C1orf21: variants seen among roughly 807,000 people sequenced by gnomAD.
C1orf21 encodes the protein uncharacterized protein C1orf21.
C1orf21 carries 3 observed loss-of-function variants against 18.7 expected under a neutral mutation model. The observed-to-expected ratio is 0.16, with a 90% CI of 0.07 to 0.42. The LOEUF (loss-of-function observed/expected upper bound fraction) is 0.42, where lower values mean the gene tolerates loss of function less well. Among genes scored for constraint, C1orf21 ranks in the 10% least tolerant of loss-of-function variants. C1orf21 has a pLI of 0.99. For synonymous variants in C1orf21, 41 were observed against 46.4 expected (o/e 0.88, Z 0.47); for missense variants, 104 against 143.6 (o/e 0.72, Z 1.41).
chr1:184,619,330 GTATA>G (rs766853801), intron 5 of C1orf21, among the ~76,000 whole-genome samples, 184 bp from the exon 6 acceptor site: 101 of 152,296 alleles, frequency 6.6e-4, no homozygotes, highest in Admixed American at 1.6e-3. Flanking sequence ...ATGCCTTGAA[GTATA>G]TATAGCTTAT....
intron 3 of C1orf21, among the ~76,000 whole-genome samples, chr1:184,511,065 G>A (rs1387100281): frequency 1.3e-5 from 2 of 152,228 alleles, no homozygotes; most frequent in African/African-American, 4.8e-5. Flanking sequence ...ACGATGATGA[G>A]TTGGTGGTGG....
chr1:184,468,858 C>T (rs1009595979), intron 1 of C1orf21, among the ~76,000 whole-genome samples: 3 of 151,458 alleles, frequency 2.0e-5, no homozygotes, highest in African/African-American at 7.3e-5. Context: ...GGCAGAGATG[C>T]AGTGAGCCGA....
rs758109350 is a variant in C1orf21 at position 184,436,510 on chromosome 1, G to C, written c.-124-40876G>C. ...CTACTTCTGAGGCAGAGTGGCATTG[G>C]AACCCAGTTCTGCCCAGCCCCCAGG... On this transcript the variant is annotated intron_variant, in intron 1 of 5. Coordinates refer to ENST00000235307, the MANE Select transcript of C1orf21 (RefSeq NM_030806.4). Among the ~76,000 whole-genome samples, 25 of 151,868 alleles carry C rather than the reference G, an allele frequency of 1.6e-4. 1 individual carries two copies. Among genetic ancestry groups the C allele is most frequent in the Admixed American group, 1.3e-3 (20 of 15,248 alleles).
chr1:184,619,584 C>T lies in C1orf21; in HGVS notation c.*28C>T. On this transcript the variant is annotated 3_prime_UTR_variant, in exon 6 of 6. Coordinates refer to ENST00000235307, the MANE Select transcript of C1orf21 (RefSeq NM_030806.4). Reference sequence around the variant, plus strand: ...CCAATTTTACCACTCAAACCAGGAGCTACTACTGTGTAAATAGGTTACACC... The same window carrying T: ...CCAATTTTACCACTCAAACCAGGAGTTACTACTGTGTAAATAGGTTACACC... 6.2e-7 allele frequency: 1 copy of T among 1,609,306 alleles called. No individual in the cohort carries two copies. Among genetic ancestry groups the T allele is most frequent in the South Asian group, 1.1e-5 (1 of 90,658 alleles).
intron 3 of C1orf21, among the ~76,000 whole-genome samples, chr1:184,527,787 G>A (rs1658400711): frequency 2.0e-5 from 3 of 152,162 alleles, no homozygotes; most frequent in Admixed American, 2.0e-4. Flanking sequence ...GGAAAGTGTA[G>A]TTTATAGTAA....
Position 184,621,051 on chromosome 1 carries a change from T to C in C1orf21, c.*1495T>C, listed in dbSNP as rs1659908828. 6.6e-6 allele frequency: 1 copy of C among 152,510 alleles called. No individual in the cohort carries two copies. The highest frequency in any genetic ancestry group is 1.5e-5 in the Non-Finnish European group (1 of 68,024). 9.4% of individuals were successfully genotyped at this position (152,510 alleles called of 1,614,324 possible). On this transcript the variant is annotated 3_prime_UTR_variant, in exon 6 of 6. Coordinates refer to ENST00000235307, the MANE Select transcript of C1orf21 (RefSeq NM_030806.4). ...TTGTGACTTTGAAGGGCCTCAATAT[T>C]AGCCACACTGCCGCCTGCAGAAGGT...
chr1:184,527,262 TGTG>T (rs1658391145), intron 3 of C1orf21, among the ~76,000 whole-genome samples: 1 of 152,166 alleles, frequency 6.6e-6, no homozygotes, highest in Non-Finnish European at 1.5e-5. Context: ...CCTTATCAAG[TGTG>T]GCAGCTATGC....
chr1:184,565,230 T>C (rs574503316), intron 3 of C1orf21, among the ~76,000 whole-genome samples: 5 of 152,340 alleles, frequency 3.3e-5, no homozygotes, highest in African/African-American at 1.2e-4. Context: ...TATTCTGATA[T>C]TATTCATGAG....
intron 3 of C1orf21, among the ~76,000 whole-genome samples, chr1:184,581,832 C>T (rs1300674206): frequency 6.6e-6 from 1 of 152,200 alleles, no homozygotes. Context: ...ATTTGCCCCA[C>T]TTCATGTTTG....
intron 1 of C1orf21, among the ~76,000 whole-genome samples, chr1:184,469,250 AAAAAC>A (rs1218947112): frequency 6.6e-6 from 1 of 152,180 alleles, no homozygotes; most frequent in East Asian, 1.9e-4. Flanking sequence ...ACTCTGTAAT[AAAAAC>A]AAAACAAACG....
chr1:184,517,000 G>C (rs1291293093), intron 3 of C1orf21, among the ~76,000 whole-genome samples: 1 of 152,222 alleles, frequency 6.6e-6, no homozygotes, highest in Non-Finnish European at 1.5e-5. Context: ...ACCCTGTAAG[G>C]GGGCTTGTGT....
intron 3 of C1orf21, among the ~76,000 whole-genome samples, chr1:184,562,388 A>C (rs1356415176): frequency 6.6e-6 from 1 of 152,224 alleles, no homozygotes; most frequent in Non-Finnish European, 1.5e-5. Context: ...TGTTCCCATA[A>C]ACTTGGATAA....
intron 5 of C1orf21, among the ~76,000 whole-genome samples, chr1:184,606,237 CT>C (rs1659645481): frequency 6.6e-6 from 1 of 152,138 alleles, no homozygotes; most frequent in Non-Finnish European, 1.5e-5. Context: ...AAGTTTTACT[CT>C]TAATTGTTGT....
chr1:184,458,587 C>T (rs1243805261), intron 1 of C1orf21, among the ~76,000 whole-genome samples: 1 of 152,170 alleles, frequency 6.6e-6, no homozygotes, highest in Non-Finnish European at 1.5e-5. Context: ...TAATTTGAAA[C>T]AGCTCCAAAA....
chr1:184,418,673 G>T (rs917193431), intron 1 of C1orf21, among the ~76,000 whole-genome samples: 29 of 152,154 alleles, frequency 1.9e-4, no homozygotes, highest in African/African-American at 7.0e-4. Flanking sequence ...CCTTTCTTTT[G>T]TGGATTCATT....
intron 3 of C1orf21, among the ~76,000 whole-genome samples, chr1:184,579,959 G>A (rs1461226992): frequency 6.6e-6 from 1 of 152,194 alleles, no homozygotes; most frequent in Non-Finnish European, 1.5e-5. Flanking sequence ...TGCTTAATGA[G>A]AGGAATGAGC....
rs1227427848 is a variant in C1orf21 at position 184,626,328 on chromosome 1, G to A, written c.*6772G>A. 1.3e-5 allele frequency: 2 copies of A among 152,266 alleles called. No individual in the cohort carries two copies. The highest frequency in any genetic ancestry group is 2.9e-5 in the Non-Finnish European group (2 of 68,120). The allele number at this position is 152,266 out of a possible 1,614,324, so 9.4% of individuals were successfully genotyped here. A position where few individuals can be genotyped will look rare whatever the true frequency, so the allele number is the denominator to read the frequency against. On this transcript the variant is annotated 3_prime_UTR_variant, in exon 6 of 6. Transcript: ENST00000235307. The stretch of plus-strand genomic sequence containing the variant: ...CTGAAAGAGGTGACATCAAAGCCCG[G>A]ATGTGTCAGAGGACTGAGGGAGAGT...
chr1:184,551,183 A>C (rs773052545), intron 3 of C1orf21, among the ~76,000 whole-genome samples: 1 of 152,190 alleles, frequency 6.6e-6, no homozygotes, highest in Non-Finnish European at 1.5e-5. Context: ...TATTCAGCAA[A>C]CTACACCAAA....
intron 5 of C1orf21, among the ~76,000 whole-genome samples, chr1:184,603,756 A>T (rs1659615626): frequency 6.6e-6 from 1 of 152,230 alleles, no homozygotes; most frequent in Admixed American, 6.5e-5. Context: ...AGACCACGCC[A>T]CTGCCCTCCA....
Sources: gnomAD v4.1 joint callset for allele counts (sites outside exome capture counted in the v4.1 genomes callset) on GRCh38, gnomAD v4.1.1 for gene constraint, MANE v1.5 for transcripts, NCBI Gene and HGNC (gene_info 2026-07-23, HGNC 2026-07-21) for gene names.